The following CSMD1 variants were observed in gnomAD, a reference collection of about 807,000 sequenced individuals.
CSMD1 encodes the protein CUB and Sushi multiple domains 1.
A neutral mutation model predicts 417.5 loss-of-function variants in CSMD1; 213 were observed. That is an observed-to-expected ratio of 0.51 (90% CI 0.46 to 0.57). CSMD1 has a LOEUF of 0.57. Among genes scored for constraint, CSMD1 ranks in the 20% least tolerant of loss-of-function variants. The pLI is 0.00. For synonymous variants in CSMD1, 2,862 were observed against 1,736.8 expected, an observed-to-expected ratio of 1.65 and a Z score of -16.11; for missense variants, 6,923 against 4,529.7, an observed-to-expected ratio of 1.53 and a Z score of -15.17.
intron 28 of CSMD1, among the ~76,000 whole-genome samples, chr8:3,220,479 G>T (rs1006978560): frequency 1.3e-5 from 2 of 152,152 alleles, no homozygotes; most frequent in African/African-American, 4.8e-5. Flanking sequence ...GGCTGAGCTT[G>T]GTTAAGATGT....
At position 3,304,657 on chromosome 8, in the gene CSMD1, G is replaced by A. The variant is rs577295763; in HGVS notation, c.3950+3038C>T. 1.9e-3 allele frequency among the ~76,000 whole-genome samples: 286 copies of A among 152,038 alleles called. 1 individual carries two copies. The highest frequency in any genetic ancestry group is 0.014 in the South Asian group (65 of 4,810). On this transcript the variant is annotated intron_variant, in intron 25 of 69. Coordinates refer to ENST00000635120, the MANE Select transcript of CSMD1 (RefSeq NM_033225.6). ...ACCTCATATTGAAATATACGTATAC[G>A]AAGAAAATTTTTCAAGGTCAGTTCA...
chr8:4,866,275 C>G (rs1365044691), intron 1 of CSMD1, among the ~76,000 whole-genome samples: 3 of 151,870 alleles, frequency 2.0e-5, no homozygotes, highest in Admixed American at 6.6e-5. Context: ...TTTCTTGGTT[C>G]TTAGTACTCT....
At chr8:4,333,931 A>G (rs946926699) in intron 3 of CSMD1, among the ~76,000 whole-genome samples, 6 of 152,082 alleles carry the variant, frequency 3.9e-5, no homozygotes, top group African/African-American at 1.4e-4. Context: ...TCACTCTGTC[A>G]TCCAGACTGG....
rs553319109 is a variant in CSMD1 at position 3,565,199 on chromosome 8, C to CAGACAGAT, written c.1344+9745_1344+9746insATCTGTCT. Among the ~76,000 whole-genome samples the CAGACAGAT allele has an allele frequency of 1.6e-3, 146 of 88,550 alleles. 1 individual carries two copies. Among genetic ancestry groups the CAGACAGAT allele is most frequent in the Middle Eastern group, 5.0e-3 (1 of 200 alleles). The allele number at this position is 88,550 out of a possible 152,430, so 58.1% of individuals were successfully genotyped here. On this transcript the variant is annotated intron_variant, in intron 10 of 69. Transcript: ENST00000635120. ...AAAGAAAGAAAGATACATAGATAGACAGATAGATAGATAGAGAGATAGACA... is the reference window on the plus strand; with the variant it reads ...AAAGAAAGAAAGATACATAGATAGACAGACAGATAGATAGATAGATAGAGAGATAGACA...
intron 2 of CSMD1, among the ~76,000 whole-genome samples, chr8:4,446,328 G>C (rs74797357): frequency 5.9e-5 from 9 of 152,188 alleles, no homozygotes; most frequent in African/African-American, 1.9e-4. Context: ...TGGGTGGATC[G>C]CTTGAGCCCA....
At chr8:3,090,252 G>C (rs1010832022) in intron 48 of CSMD1, among the ~76,000 whole-genome samples, 25 of 142,834 alleles carry the variant, frequency 1.8e-4, no homozygotes, top group African/African-American at 6.0e-4. Flanking sequence ...GGGAGGCGGA[G>C]CTTGCAGTGA....
chr8:4,701,738 A>C (rs1262872064), intron 1 of CSMD1, among the ~76,000 whole-genome samples: 1 of 150,534 alleles, frequency 6.6e-6, no homozygotes, highest in African/African-American at 2.5e-5. Context: ...TTTTCTAAAC[A>C]CTTTTAAGTG....
chr8:3,511,094 G>A (rs190619379), intron 10 of CSMD1, among the ~76,000 whole-genome samples: 94 of 151,900 alleles, frequency 6.2e-4, no homozygotes, highest in Non-Finnish European at 1.1e-3. Context: ...CATGGATGAA[G>A]CTGGAAACCA....
Position 4,994,428 on chromosome 8 carries a change from C to T in CSMD1, c.-12G>A. 3 of 1,609,360 alleles carry T rather than the reference C, an allele frequency of 1.9e-6. No homozygotes were observed. Among genetic ancestry groups the T allele is most frequent in the Non-Finnish European group, 2.5e-6 (3 of 1,178,320 alleles). On this transcript the variant is annotated 5_prime_UTR_variant, in exon 1 of 70. Transcript: ENST00000635120. The stretch of plus-strand genomic sequence containing the variant: ...CTCCACGCAGTCATGTCTGCAGATA[C>T]TCCACACGCACGCGACACCGATGGC...
At chr8:4,870,735 T>C (rs1455793447) in intron 1 of CSMD1, among the ~76,000 whole-genome samples, 3 of 152,120 alleles carry the variant, frequency 2.0e-5, no homozygotes, top group Non-Finnish European at 4.4e-5. Context: ...CAGACATTCA[T>C]TTAACTATGT....
chr8:3,227,848 A>G (rs1320778564), intron 27 of CSMD1, among the ~76,000 whole-genome samples: 2 of 151,848 alleles, frequency 1.3e-5, no homozygotes, highest in Non-Finnish European at 2.9e-5. Flanking sequence ...GCTCACTGCA[A>G]CTTCTAGCTC....
intron 1 of CSMD1, among the ~76,000 whole-genome samples, chr8:4,647,413 C>T (rs1258557161): frequency 6.7e-6 from 1 of 148,326 alleles, no homozygotes; most frequent in East Asian, 2.0e-4. Context: ...GGTAGGTACG[C>T]GTGTGCCACG....
At chr8:4,053,132 CAT>C (rs1798518760) in intron 3 of CSMD1, among the ~76,000 whole-genome samples, 2 of 152,146 alleles carry the variant, frequency 1.3e-5, no homozygotes, top group South Asian at 4.1e-4. Flanking sequence ...GAAGCTTCTC[CAT>C]GGGTGCAGTG....
Position 4,332,547 on chromosome 8 carries a change from TCACATACACACACACACA to T in CSMD1, c.415+87388_415+87405del, listed in dbSNP as rs1563064695. The stretch of plus-strand genomic sequence containing the variant: ...CCAGTAATACCCTTCTGTCATGATA[TCACATACACACACACACA>T]CACACACACACACACACACACACAC... On this transcript the variant is annotated intron_variant, in intron 3 of 69. Transcript: ENST00000635120. 5.4e-5 allele frequency among the ~76,000 whole-genome samples: 6 copies of T among 111,620 alleles called. 1 individual carries two copies. The South Asian group carries it at 8.8e-4, about 16-fold the overall frequency. 73.2% of individuals were successfully genotyped at this position (111,620 alleles called of 152,430 possible).
At chr8:4,225,373 G>A (rs913991542) in intron 3 of CSMD1, among the ~76,000 whole-genome samples, 17 of 151,716 alleles carry the variant, frequency 1.1e-4, no homozygotes, top group African/African-American at 3.9e-4. Context: ...AATATACATC[G>A]TGTTTCTCAT....
At chr8:4,708,290 G>C (rs1808078497) in intron 1 of CSMD1, among the ~76,000 whole-genome samples, 1 of 152,054 alleles carries the variant, frequency 6.6e-6, no homozygotes, top group Admixed American at 6.6e-5. Flanking sequence ...ATAAATCATT[G>C]TCATTTACAT....
intron 2 of CSMD1, among the ~76,000 whole-genome samples, chr8:4,545,988 C>A (rs929212550): frequency 2.6e-5 from 4 of 152,048 alleles, no homozygotes; most frequent in African/African-American, 7.3e-5. Flanking sequence ...TCTTATGACC[C>A]CCTTCTACTG....
At chr8:4,282,648 T>G (rs1796852184) in intron 3 of CSMD1, among the ~76,000 whole-genome samples, 1 of 152,182 alleles carries the variant, frequency 6.6e-6, no homozygotes, top group Admixed American at 6.5e-5. Flanking sequence ...ACCTTTTCAG[T>G]TTTATTTATT....
intron 7 of CSMD1, among the ~76,000 whole-genome samples, chr8:3,696,927 T>G (rs2129035284): frequency 6.6e-6 from 1 of 152,324 alleles, no homozygotes; most frequent in Admixed American, 6.5e-5. Context: ...ATCAGTCACT[T>G]TGCCTTCCAT....
Sources: allele counts gnomAD v4.1 joint callset (sites outside exome capture counted in the v4.1 genomes callset), GRCh38; gene constraint gnomAD v4.1.1; transcripts MANE v1.5; gene names NCBI Gene and HGNC (gene_info 2026-07-23, HGNC 2026-07-21).